The following RP1L1 variants were observed in gnomAD, a reference collection of about 807,000 sequenced individuals.
RP1L1 encodes the protein RP1 like 1.
Under a neutral mutation model 15.7 loss-of-function variants are expected in RP1L1, and 27 were observed. The ratio of observed to expected loss-of-function variants is 1.72; its 90% confidence interval spans 1.27 to 2.38. The LOEUF is 2.38. Among genes scored for constraint, RP1L1 ranks in the 30% most tolerant of loss-of-function variants. The pLI, the probability that RP1L1 is intolerant of heterozygous loss-of-function variation, is 0.00. For synonymous variants in RP1L1, 1,813 were observed against 1,276.7 expected, an observed-to-expected ratio of 1.42 and a Z score of -8.96; for missense variants, 4,798 against 3,075.9, an observed-to-expected ratio of 1.56 and a Z score of -13.24.
rs1797908116 is a variant in RP1L1 at position 10,613,196 on chromosome 8, C to A, written c.902G>T (p.Gly301Val). 2.5e-6 allele frequency: 4 copies of A among 1,613,476 alleles called. No individual in the cohort carries two copies. In the African/African-American group the frequency reaches 4.0e-5, roughly 16 times the overall value. The stretch of plus-strand genomic sequence containing the variant: ...CATGTCATCGCCAGCCACCAGCGGG[C>A]CCGACTGAGCTGGCGTGTCCTGAGG... Reference protein sequence around the residue: ...RHPQDTPAQSGPLVAGDDMKK... With the variant: ...RHPQDTPAQSVPLVAGDDMKK... The change falls in exon 4 of 4, where the codon GGC becomes GTC. Residue 301 changes from glycine to valine, a missense_variant. By Grantham distance (109) the Gly-to-Val change is moderately radical. Coordinates refer to ENST00000382483, the MANE Select transcript of RP1L1 (RefSeq NM_178857.6).
intron 3 of RP1L1, 142 bp downstream of exon 3, chr8:10,616,304 A>T (rs1340242476): frequency 4.7e-6 from 5 of 1,071,226 alleles, no homozygotes; most frequent in Non-Finnish European, 7.1e-6. Flanking sequence ...GGAAGAGGCA[A>T]GAGAGATCCC....
At chr8:10,639,468 G>A (rs1198382573) in intron 1 of RP1L1, among the ~76,000 whole-genome samples, 1 of 152,146 alleles carries the variant, frequency 6.6e-6, no homozygotes, top group East Asian at 1.9e-4. Context: ...AAACTCCTGG[G>A]CTCAAGCGAT....
At chr8:10,637,842 T>C (rs1350654971) in intron 1 of RP1L1, among the ~76,000 whole-genome samples, 1 of 152,186 alleles carries the variant, frequency 6.6e-6, no homozygotes, top group Non-Finnish European at 1.5e-5. Context: ...GATCAAAAGA[T>C]GCTCAGAGAT....
intron 3 of RP1L1, among the ~76,000 whole-genome samples, chr8:10,613,754 C>A (rs80195961): frequency 0.013 from 1,973 of 151,842 alleles, 40 homozygotes; most frequent in African/African-American, 0.045. Context: ...TGCACCACTG[C>A]GCTCCAGCCT....
At position 10,611,348 on chromosome 8, in the gene RP1L1, G is replaced by T. The variant is rs768303030; in HGVS notation, c.2750C>A (p.Ala917Glu). Residue 917 changes from alanine to glutamate, a missense_variant, in exon 4 of 4, where the codon GCG becomes GAG. Transcript: ENST00000382483. ...ASRRSSASQG[A>E]GSRGLSEEKT... ...CTCCTCGGACAGCCCCCGAGACCCC[G>T]CACCCTGGCTGGCACTGCTTCTCCT... 1.2e-6 allele frequency: 2 copies of T among 1,611,656 alleles called. No homozygotes were observed. Among genetic ancestry groups the T allele is most frequent in the African/African-American group, 1.3e-5 (1 of 75,038 alleles).
At chr8:10,630,572 C>T (rs1038848814) in intron 1 of RP1L1, among the ~76,000 whole-genome samples, 2 of 152,178 alleles carry the variant, frequency 1.3e-5, no homozygotes, top group Non-Finnish European at 2.9e-5. Flanking sequence ...GTTTCCCAGC[C>T]CGTAGGGGAG....
chr8:10,633,844 C>T (rs1179561030), intron 1 of RP1L1, among the ~76,000 whole-genome samples: 1 of 152,198 alleles, frequency 6.6e-6, no homozygotes, highest in African/African-American at 2.4e-5. Context: ...CACATAGTTC[C>T]ATGAGGGATG....
chr8:10,617,717 C>G (rs554608511), intron 2 of RP1L1, among the ~76,000 whole-genome samples: 7 of 152,044 alleles, frequency 4.6e-5, no homozygotes, highest in Non-Finnish European at 1.0e-4. Context: ...CCACCATACT[C>G]AGCTAATTTT....
At position 10,623,172 on chromosome 8, in the gene RP1L1, G is replaced by A; in HGVS notation, c.30C>T (p.Ala10=). MNSTPRNAQ[A]PSHRECFLPS... ...GCAGGAAGCACTCACGGTGGCTCGGGGCCTGGGCATTCCTGGGGGTGCTGT... is the reference window on the plus strand; with the variant it reads ...GCAGGAAGCACTCACGGTGGCTCGGAGCCTGGGCATTCCTGGGGGTGCTGT... The change falls in exon 2 of 4, where the codon GCC becomes GCT. Residue 10 remains alanine, a synonymous_variant. Coordinates refer to ENST00000382483, the MANE Select transcript of RP1L1 (RefSeq NM_178857.6). 2 of 1,578,512 alleles carry A rather than the reference G, an allele frequency of 1.3e-6. No individual in the cohort carries two copies. Among genetic ancestry groups the A allele is most frequent in the Non-Finnish European group, 8.6e-7 (1 of 1,161,128 alleles).
In RP1L1 at chr8:10,639,141, C is replaced by CAAA. The variant is rs1273243466; in HGVS notation, c.-20+15754_-20+15756dup. On this transcript the variant is annotated intron_variant, in intron 1 of 3. Transcript: ENST00000382483. ...CCTGGATGACAGGGTGAGACTGTCT[C>CAAA]AAAAAAAAAAAAGAAAAGAAAAGAA... Among the ~76,000 whole-genome samples, 9 of 126,810 alleles carry CAAA rather than the reference C, an allele frequency of 7.1e-5. No homozygotes were observed. The South Asian group carries it at 1.5e-3, about 21-fold the overall frequency. 83.2% of individuals were successfully genotyped at this position (126,810 alleles called of 152,430 possible). A position where few individuals can be genotyped will look rare whatever the true frequency, so the allele number is the denominator to read the frequency against.
intron 1 of RP1L1, among the ~76,000 whole-genome samples, chr8:10,634,227 C>G (rs1053934322): frequency 6.6e-5 from 10 of 152,216 alleles, no homozygotes; most frequent in African/African-American, 2.4e-4. Context: ...TTATCCACCT[C>G]CTAAATCAAC....
chr8:10,626,829 T>G (rs1798166335), intron 1 of RP1L1, among the ~76,000 whole-genome samples: 1 of 152,084 alleles, frequency 6.6e-6, no homozygotes, highest in Non-Finnish European at 1.5e-5. Flanking sequence ...TCATCAAGTG[T>G]GATTTCGATT....
At chr8:10,622,175 G>C (rs1054007243) in intron 2 of RP1L1, among the ~76,000 whole-genome samples, 3 of 152,000 alleles carry the variant, frequency 2.0e-5, no homozygotes, top group Admixed American at 1.3e-4. Flanking sequence ...TAGAAAATTA[G>C]CTGGGCATGG....
chr8:10,606,887 G>C lies in RP1L1; in HGVS notation c.*8C>G. 1.2e-6 allele frequency: 2 copies of C among 1,614,088 alleles called. No individual in the cohort carries two copies. The highest frequency in any genetic ancestry group is 1.1e-5 in the South Asian group (1 of 91,068). On this transcript the variant is annotated 3_prime_UTR_variant, in exon 4 of 4. Transcript: ENST00000382483. ...CAAGCTCGTGATTGTTTTCTAGCTT[G>C]ATCTTGTCTAGAAATCTAAGTCATC...
rs369885056 is a variant in RP1L1, at chr8:10,617,399, CAAAAAAAAAAAAAA to C, written c.610-826_610-813del. Among the ~76,000 whole-genome samples the C allele has an allele frequency of 2.8e-4, 23 of 83,006 alleles. No homozygotes were observed. In the East Asian group the frequency reaches 7.7e-3, roughly 28 times the overall value. The allele number at this position is 83,006 out of a possible 152,430, so 54.5% of individuals were successfully genotyped here. On this transcript the variant is annotated intron_variant, in intron 2 of 3. Coordinates refer to ENST00000382483, the MANE Select transcript of RP1L1 (RefSeq NM_178857.6). ...AAAATTATAAGGGTATGCTCATTAA[CAAAAAAAAAAAAAA>C]AAAAAAAAGAAAAAAGAAGGAACAT...
chr8:10,647,558 C>G (rs1798497781), intron 1 of RP1L1, among the ~76,000 whole-genome samples: 1 of 152,170 alleles, frequency 6.6e-6, no homozygotes, highest in African/African-American at 2.4e-5. Flanking sequence ...TCTGACACCT[C>G]TAGGAACTTT....
At position 10,616,604 on chromosome 8, in the gene RP1L1, C is replaced by T. The variant is rs376919128; in HGVS notation, c.610-17G>A. The T allele has an allele frequency of 1.1e-3, 1,794 of 1,605,304 alleles. 8 individuals are homozygous for T. The highest frequency in any genetic ancestry group is 1.1e-3 in the Non-Finnish European group (1,273 of 1,178,116). ...CGAGTCCACCTGAGGGAGGAGCGGG[C>T]GGGGTCAGGAGGCCTGGGCTGCAGA... On this transcript the variant is annotated splice_polypyrimidine_tract_variant and intron_variant, in intron 2 of 3. Transcript: ENST00000382483.
At chr8:10,643,123 T>A (rs1162197160) in intron 1 of RP1L1, among the ~76,000 whole-genome samples, 1 of 152,026 alleles carries the variant, frequency 6.6e-6, no homozygotes, top group African/African-American at 2.4e-5. Context: ...GATTGCTTGA[T>A]CCCAGGAGTT....
intron 2 of RP1L1, among the ~76,000 whole-genome samples, chr8:10,622,159 T>C (rs1798069782): frequency 6.6e-6 from 1 of 151,718 alleles, no homozygotes; most frequent in African/African-American, 2.4e-5. Flanking sequence ...CTGTCTCTAC[T>C]AAAACTAGAA....
Sources: gnomAD v4.1 joint callset for allele counts (sites outside exome capture counted in the v4.1 genomes callset) on GRCh38, gnomAD v4.1.1 for gene constraint, MANE v1.5 for transcripts, NCBI Gene and HGNC (gene_info 2026-07-23, HGNC 2026-07-21) for gene names.